ARAP1: variants seen among roughly 807,000 people sequenced by gnomAD.
ARAP1 encodes arf-GAP with Rho-GAP domain, ANK repeat and PH domain-containing protein 1.
A neutral mutation model predicts 172.2 loss-of-function variants in ARAP1; 76 were observed. The observed-to-expected ratio is 0.44, with a 90% CI of 0.37 to 0.53. ARAP1 has a LOEUF of 0.53. ARAP1 is among the 20% of genes least tolerant of loss of function. The probability of loss-of-function intolerance (pLI) is 0.00; values close to 1 mark genes in which losing one functional copy is unlikely to be tolerated. For missense variants in ARAP1, 1,686 were observed against 1,977.5 expected, an observed-to-expected ratio of 0.85 and a Z score of 2.80; for synonymous variants, 804 against 803.3, an observed-to-expected ratio of 1.00 and a Z score of -0.01.
Position 72,692,736 on chromosome 11 carries a change from A to G in ARAP1, c.3987+17T>C. On this transcript the variant is annotated intron_variant, in intron 30 of 34. Transcript: ENST00000393609. ...AGGTGGTGTAAGGCAGCTGGCAGTC[A>G]GCCCACAGCTACTCACGGTCTCAGG... 6.2e-7 allele frequency: 1 copy of G among 1,613,754 alleles called. No homozygotes were observed. Among genetic ancestry groups the G allele is most frequent in the Non-Finnish European group, 8.5e-7 (1 of 1,179,966 alleles).
intron 12 of ARAP1, 118 bp from the exon 13 acceptor site, chr11:72,706,008 G>T: frequency 1.1e-6 from 1 of 932,688 alleles, no homozygotes; most frequent in African/African-American, 1.7e-5. Flanking sequence ...GGCCCCAGGG[G>T]GTAGGCCTGC....
intron 30 of ARAP1, chr11:72,688,963 C>T: frequency 6.0e-6 from 1 of 167,710 alleles, no homozygotes; most frequent in Non-Finnish European, 1.3e-5. Context: ...CCTCGGTTGG[C>T]TGCCTGTGTC....
Position 72,699,110 on chromosome 11 carries a change from G to A in ARAP1, c.2439-3C>T, listed in dbSNP as rs1050925484. ...ACACCTCAAAGGTGTGCTCAAAGCT[G>A]CAAATACACAGGCCAGGACTCAGGC... On this transcript the variant is annotated splice_polypyrimidine_tract_variant and splice_region_variant and intron_variant, in intron 17 of 34. Transcript: ENST00000393609. This position sits in a 1 kb window ranked among gnomAD's most constrained non-coding sequence, Gnocchi z 4.2. The A allele has an allele frequency of 1.2e-6, 2 of 1,613,894 alleles. No individual in the cohort carries two copies. Among genetic ancestry groups the A allele is most frequent in the Non-Finnish European group, 1.7e-6 (2 of 1,179,990 alleles).
Position 72,702,912 on chromosome 11 carries a change from C to A in ARAP1, c.2160G>T (p.Arg720=), listed in dbSNP as rs754136183. The A allele has an allele frequency of 1.3e-6, 2 of 1,554,006 alleles. No homozygotes were observed. The highest frequency in any genetic ancestry group is 1.2e-5 in the South Asian group (1 of 84,284). Residue 720 remains arginine, a synonymous_variant, in exon 15 of 35, where the codon CGG becomes CGT. Coordinates refer to ENST00000393609, the MANE Select transcript of ARAP1 (RefSeq NM_001040118.3). ...ACCCTCTGCCACGCTCACCTGTGGT[C>A]CGGTTGTTCCGAAGGAATTCCATCT... ...TLQMEFLRNN[R]TTEVPRLDSM... is the part of the protein sequence containing the mutation.
Position 72,710,530 on chromosome 11 carries a change from C to T in ARAP1, c.1271G>A (p.Arg424Gln), listed in dbSNP as rs143371904. 4.1e-5 allele frequency: 66 copies of T among 1,613,236 alleles called. No homozygotes were observed. The highest frequency in any genetic ancestry group is 4.7e-5 in the Non-Finnish European group (56 of 1,179,986). The change falls in exon 10 of 35, where the codon CGG (arginine) becomes CAG (glutamine). Residue 424 changes from arginine (R) to glutamine (Q), a missense_variant. By Grantham distance (43) the Arg-to-Gln change is conservative. This residue lies in a region of ARAP1 where 688 missense variants were observed against 856.9 expected (regional missense o/e 0.80). Coordinates refer to ENST00000393609, the MANE Select transcript of ARAP1 (RefSeq NM_001040118.3). This position sits in a 1 kb window ranked among gnomAD's most constrained non-coding sequence, Gnocchi z 4.3. Reference protein sequence around the residue: ...LQQAMAEQRARARLSSAYLLG... With the variant: ...LQQAMAEQRAQARLSSAYLLG... Reference sequence around the variant, plus strand: ...CAGATAAGCGCTAGAGAGCCGGGCCCGGGCACGCTGCTCAGCCATGGCCTG... The same window carrying T: ...CAGATAAGCGCTAGAGAGCCGGGCCTGGGCACGCTGCTCAGCCATGGCCTG...
At position 72,703,059 on chromosome 11, in the gene ARAP1, G is replaced by T; in HGVS notation, c.2013C>A (p.Thr671=). Residue 671 remains threonine, a synonymous_variant, in exon 15 of 35, where the codon ACC becomes ACA. Transcript: ENST00000393609. ...CCTGGGTCTCAGCCAGGTCTGTGGTGGTGACTGCAGCACACAGGGCCTAGG... is the reference window on the plus strand; with the variant it reads ...CCTGGGTCTCAGCCAGGTCTGTGGTTGTGACTGCAGCACACAGGGCCTAGG... ...ELDKALCAAV[T]TTDLAETQAL... 6.3e-7 allele frequency: 1 copy of T among 1,591,320 alleles called. No homozygotes were observed. Among genetic ancestry groups the T allele is most frequent in the Non-Finnish European group, 8.5e-7 (1 of 1,170,636 alleles).
Position 72,693,659 on chromosome 11 carries a change from C to A in ARAP1, c.3808+33G>T. The A allele has an allele frequency of 1.3e-6, 2 of 1,569,062 alleles. No individual in the cohort carries two copies. Among genetic ancestry groups the A allele is most frequent in the Non-Finnish European group, 1.7e-6 (2 of 1,155,610 alleles). ...CCCTGGCTCTGGAAGAGAGGACCAC[C>A]CGGAGCCTGGCCACCCTGCAGGCAC... On this transcript the variant is annotated intron_variant, in intron 28 of 34. Transcript: ENST00000393609. The surrounding 1 kb of genome is among the most constrained non-coding windows in gnomAD (Gnocchi z 4.6).
chr11:72,719,661 C>G (rs929075552), intron 3 of ARAP1, among the ~76,000 whole-genome samples: 11 of 152,190 alleles, frequency 7.2e-5, no homozygotes, highest in Non-Finnish European at 1.6e-4. Context: ...CACCCCTACC[C>G]GTTCCTATCT....
chr11:72,717,758 G>A (rs901770854), intron 3 of ARAP1, among the ~76,000 whole-genome samples: 1 of 152,210 alleles, frequency 6.6e-6, no homozygotes, highest in African/African-American at 2.4e-5. Flanking sequence ...TCTACTCACA[G>A]CGCTCTGTAA....
At chr11:72,746,764 G>A (rs554886238) in intron 1 of ARAP1, among the ~76,000 whole-genome samples, 45 of 151,786 alleles carry the variant, frequency 3.0e-4, no homozygotes, top group Non-Finnish European at 5.4e-4. Context: ...CCCCAGAGTC[G>A]CTCCTTACTG....
At position 72,687,554 on chromosome 11, in the gene ARAP1, G is replaced by A. The variant is rs758439617; in HGVS notation, c.4122-52C>T. 3.7e-6 allele frequency: 6 copies of A among 1,613,554 alleles called. No homozygotes were observed. In the South Asian group the frequency reaches 6.6e-5, roughly 18 times the overall value. On this transcript the variant is annotated intron_variant, in intron 32 of 34. Coordinates refer to ENST00000393609, the MANE Select transcript of ARAP1 (RefSeq NM_001040118.3). ...GATGCCAAAGGCCTGACTGAGCAGG[G>A]AACACCGTGTCTGCCTTCCCAGCCC...
chr11:72,695,519 C>A lies in ARAP1; in HGVS notation c.3507+23G>T. ...GGGTGCAGGTGGCAGGTCCAAGCCC[C>A]CCACCCAGGCTCCAGCCTTCACCTG... On this transcript the variant is annotated intron_variant, in intron 25 of 34. Coordinates refer to ENST00000393609, the MANE Select transcript of ARAP1 (RefSeq NM_001040118.3). The surrounding 1 kb of genome is among the most constrained non-coding windows in gnomAD (Gnocchi z 4.4). 4 of 1,614,160 alleles carry A rather than the reference C, an allele frequency of 2.5e-6. No individual in the cohort carries two copies. The highest frequency in any genetic ancestry group is 3.4e-6 in the Non-Finnish European group (4 of 1,180,034).
chr11:72,686,213 G>A (rs762230102), intron 33 of ARAP1, 22 bp from the exon 34 acceptor site: 2 of 1,601,654 alleles, frequency 1.2e-6, no homozygotes, highest in South Asian at 2.2e-5. Context: ...AGAGGAAGGG[G>A]CTGGGCTCAG....
Position 72,705,891 on chromosome 11 carries a change from C to T in ARAP1, c.1724-1G>A. 6.2e-7 allele frequency: 1 copy of T among 1,613,986 alleles called. No homozygotes were observed. The highest frequency in any genetic ancestry group is 8.5e-7 in the Non-Finnish European group (1 of 1,179,920). On this transcript the variant is annotated splice_acceptor_variant, in intron 12 of 34. Coordinates refer to ENST00000393609, the MANE Select transcript of ARAP1 (RefSeq NM_001040118.3). LOFTEE classifies it high-confidence loss of function. ...CCAGCGCCCAGGCCACGGTGCTCCC[C>T]TGTAGACACAGGGCCAGACCCAGAA...
chr11:72,722,151 CAGAGAGAGAG>C (rs3029807), intron 3 of ARAP1: 11 of 960,120 alleles, frequency 1.1e-5, no homozygotes, highest in Non-Finnish European at 1.4e-5. Context: ...GAGGAAAGGA[CAGAGAGAGAG>C]AGAGAGAGAG....
At chr11:72,751,225 T>C (rs1371017519) in intron 1 of ARAP1, among the ~76,000 whole-genome samples, 1 of 152,042 alleles carries the variant, frequency 6.6e-6, no homozygotes, top group Admixed American at 6.6e-5. Flanking sequence ...CAGCCAGGAA[T>C]GGGACACAGG....
chr11:72,697,323 C>G lies in ARAP1; in HGVS notation c.2953G>C (p.Gly985Arg). 1 of 1,583,958 alleles carries G rather than the reference C, an allele frequency of 6.3e-7. No homozygotes were observed. Among genetic ancestry groups the G allele is most frequent in the Non-Finnish European group, 8.6e-7 (1 of 1,165,176 alleles). ...YRCVDYITQC[G>R]LTSEGIYRKC... ...CTGGCACCCTAGGGGCAGGGCTCAC[C>G]GCACTGCGTGATGTAGTCCACACAG... is the stretch of plus-strand genomic sequence containing the variant. Residue 985 changes from glycine (G) to arginine (R), a missense_variant and splice_region_variant, in exon 21 of 35, where the codon GGC becomes CGC. Coordinates refer to ENST00000393609, the MANE Select transcript of ARAP1 (RefSeq NM_001040118.3).
Position 72,741,382 on chromosome 11 carries a change from C to A in ARAP1, c.-127-8785G>T, listed in dbSNP as rs1858194468. On this transcript the variant is annotated intron_variant, in intron 1 of 34. Transcript: ENST00000393609. This position sits in a 1 kb window ranked among gnomAD's most constrained non-coding sequence, Gnocchi z 4.5. The stretch of plus-strand genomic sequence containing the variant: ...GTCCTCACCCTCGGCCTAGCTCAGG[C>A]CCTTCCCACTTAGAAAGGTGACTCA... Among the ~76,000 whole-genome samples the A allele has an allele frequency of 6.6e-6, 1 of 152,188 alleles. No individual in the cohort carries two copies. Among genetic ancestry groups the A allele is most frequent in the Non-Finnish European group, 1.5e-5 (1 of 68,026 alleles).
chr11:72,688,829 C>T (rs1027939766), intron 30 of ARAP1: 2 of 380,868 alleles, frequency 5.3e-6, no homozygotes. Flanking sequence ...CGAATCCCAG[C>T]ACCACCCTGA....
Sources: gnomAD v4.1 joint callset for allele counts (sites outside exome capture counted in the v4.1 genomes callset) on GRCh38, gnomAD v4.1.1 for gene constraint, gnomAD v4.1.1 regional missense constraint, Gnocchi (gnomAD v3.1) non-coding constraint, MANE v1.5 for transcripts, NCBI Gene and HGNC (gene_info 2026-07-23, HGNC 2026-07-21) for gene names.